The following IGSF21 variants were observed in gnomAD, a reference collection of about 807,000 sequenced individuals.
The protein encoded by IGSF21 is immunoglobulin superfamily member 21.
A neutral mutation model predicts 46.8 loss-of-function variants in IGSF21; 28 were observed. The observed-to-expected ratio is 0.60, with a 90% confidence interval of 0.44 to 0.82. The LOEUF is 0.82. Among genes scored for constraint, IGSF21 ranks in the 40% least tolerant of loss-of-function variants. The pLI, the probability that IGSF21 is intolerant of heterozygous loss-of-function variation, is 0.00. For missense variants in IGSF21, 624 were observed against 665.5 expected (o/e 0.94, Z 0.69); for synonymous variants, 284 against 273.6 (o/e 1.04, Z -0.38).
intron 1 of IGSF21, chr1:18,167,667 T>G (rs2086692429): frequency 6.6e-6 from 1 of 152,198 alleles, no homozygotes; most frequent in Non-Finnish European, 1.5e-5. Flanking sequence ...CGTCCACCCT[T>G]TCCTTCTGCT....
intron 3 of IGSF21, among the ~76,000 whole-genome samples, chr1:18,304,472 C>T (rs982269838): frequency 6.6e-6 from 1 of 152,174 alleles, no homozygotes; most frequent in Non-Finnish European, 1.5e-5. Flanking sequence ...TCATTCTCCA[C>T]CTGAGAAACC....
chr1:18,184,452 C>T (rs1020091515), intron 1 of IGSF21, among the ~76,000 whole-genome samples: 7 of 152,154 alleles, frequency 4.6e-5, no homozygotes, highest in African/African-American at 1.7e-4. Flanking sequence ...TTAATCTTTC[C>T]TCGTAAATTA....
At chr1:18,126,424 C>G (rs1394980595) in intron 1 of IGSF21, among the ~76,000 whole-genome samples, 1 of 152,096 alleles carries the variant, frequency 6.6e-6, no homozygotes, top group African/African-American at 2.4e-5. Flanking sequence ...ATTAGAGAGG[C>G]CTTTGGGTTG....
chr1:18,108,239 TG>T, intron 1 of IGSF21, 41 bp downstream of exon 1: 1 of 1,321,766 alleles, frequency 7.6e-7, no homozygotes, highest in South Asian at 2.0e-5. Flanking sequence ...GCGGTGAACG[TG>T]CGCGGGGACG....
At chr1:18,359,371 A>AAGGCAGG (rs2086062999) in intron 4 of IGSF21, among the ~76,000 whole-genome samples, 3 of 100,594 alleles carry the variant, frequency 3.0e-5, no homozygotes, top group African/African-American at 1.1e-4. Flanking sequence ...AGAAAGAAAG[A>AAGGCAGG]AAGAAAGAAA....
At chr1:18,135,703 A>G (rs1377936960) in intron 1 of IGSF21, among the ~76,000 whole-genome samples, 2 of 152,146 alleles carry the variant, frequency 1.3e-5, no homozygotes, top group East Asian at 3.9e-4. Flanking sequence ...GCTATTGTGA[A>G]TAGTGCCGCA....
intron 2 of IGSF21, among the ~76,000 whole-genome samples, chr1:18,284,244 T>C (rs1170639600): frequency 1.3e-5 from 2 of 152,196 alleles, no homozygotes; most frequent in Non-Finnish European, 2.9e-5. Context: ...AGGCATACTT[T>C]CTGAGTGGGT....
intron 2 of IGSF21, among the ~76,000 whole-genome samples, chr1:18,277,075 C>T (rs1465365594): frequency 1.3e-5 from 2 of 152,142 alleles, no homozygotes; most frequent in African/African-American, 2.4e-5. Context: ...TTCTTGTCAC[C>T]GTACTGCCTG....
At chr1:18,189,592 A>C (rs1557579483) in intron 1 of IGSF21, among the ~76,000 whole-genome samples, 2 of 151,810 alleles carry the variant, frequency 1.3e-5, no homozygotes, top group Non-Finnish European at 2.9e-5. Flanking sequence ...AGATGGCCCC[A>C]CTGGGGGTGC....
At chr1:18,273,410 CTTTCT>C (rs1557618243) in intron 2 of IGSF21, among the ~76,000 whole-genome samples, 64 of 128,158 alleles carry the variant, frequency 5.0e-4, no homozygotes, top group African/African-American at 8.2e-4. Flanking sequence ...CTTTCCTTTC[CTTTCT>C]TTTCCTTTCC....
At chr1:18,112,737 T>C (rs1327672845) in intron 1 of IGSF21, 1 of 152,138 alleles carries the variant, frequency 6.6e-6, no homozygotes, top group East Asian at 1.9e-4. Context: ...CACACTGAAA[T>C]AGAATCATCC....
intron 1 of IGSF21, among the ~76,000 whole-genome samples, chr1:18,144,765 T>C (rs1045472911): frequency 6.6e-6 from 1 of 152,040 alleles, no homozygotes; most frequent in Non-Finnish European, 1.5e-5. Flanking sequence ...CAGAGAGGGT[T>C]GAGAGCCAGA....
At chr1:18,149,362 C>A (rs138324279) in intron 1 of IGSF21, among the ~76,000 whole-genome samples, 1 of 152,130 alleles carries the variant, frequency 6.6e-6, no homozygotes, top group Non-Finnish European at 1.5e-5. Context: ...CCATGCACAG[C>A]GGGGATGACA....
At chr1:18,367,541 G>C (rs2086178502) in intron 6 of IGSF21, among the ~76,000 whole-genome samples, 1 of 150,510 alleles carries the variant, frequency 6.6e-6, no homozygotes, top group Non-Finnish European at 1.5e-5. Flanking sequence ...TGTCTTGACT[G>C]GTTATGGGAC....
intron 3 of IGSF21, among the ~76,000 whole-genome samples, chr1:18,294,742 C>T (rs149830946): frequency 6.6e-4 from 100 of 152,312 alleles, no homozygotes; most frequent in Non-Finnish European, 1.2e-3. Context: ...GGAGCTGAGC[C>T]GTCCTGTTTG....
intron 6 of IGSF21, chr1:18,376,041 A>G: frequency 2.7e-6 from 1 of 374,040 alleles, no homozygotes; most frequent in Non-Finnish European, 5.1e-6. Flanking sequence ...TTCCCCACTG[A>G]TGTGTGAACC....
chr1:18,140,705 C>T (rs1460368888), intron 1 of IGSF21, among the ~76,000 whole-genome samples: 2 of 152,212 alleles, frequency 1.3e-5, no homozygotes, highest in Non-Finnish European at 1.5e-5. Flanking sequence ...CAGTGGTCAC[C>T]TCTTCTTGGA....
chr1:18,359,379 A>AAGG (rs1557659597), intron 4 of IGSF21, among the ~76,000 whole-genome samples: 30 of 82,352 alleles, frequency 3.6e-4, no homozygotes, highest in Middle Eastern at 0.012. Context: ...AGAAAGAAAG[A>AAGG]AAGAAAGGAA....
intron 3 of IGSF21, among the ~76,000 whole-genome samples, chr1:18,307,426 G>A (rs1453063479): frequency 1.3e-5 from 2 of 152,106 alleles, no homozygotes; most frequent in Non-Finnish European, 1.5e-5. Flanking sequence ...TACACACATC[G>A]ACTCATCTAT....
Sources: gnomAD v4.1 joint callset for allele counts (sites outside exome capture counted in the v4.1 genomes callset) on GRCh38, gnomAD v4.1.1 for gene constraint, MANE v1.5 for transcripts, NCBI Gene and HGNC (gene_info 2026-07-23, HGNC 2026-07-21) for gene names.